HACE1: variants seen among roughly 807,000 people sequenced by gnomAD.
The protein encoded by HACE1 is E3 ubiquitin-protein ligase HACE1.
HACE1 carries 73 observed loss-of-function variants against 118.4 expected under a neutral mutation model. The ratio of observed to expected loss-of-function variants is 0.62; its 90% CI spans 0.51 to 0.75. The LOEUF is 0.75. Ranked by LOEUF, HACE1 falls within the 30% of genes least tolerant of loss-of-function variation. HACE1 has a pLI of 0.00. For missense variants in HACE1, 749 were observed against 1,102.2 expected (o/e 0.68, Z 4.54); for synonymous variants, 368 against 374.8 (o/e 0.98, Z 0.21).
At chr6:104,810,307 G>T (rs1771462595) in intron 7 of HACE1, among the ~76,000 whole-genome samples, 1 of 151,870 alleles carries the variant, frequency 6.6e-6, no homozygotes, top group Non-Finnish European at 1.5e-5. Flanking sequence ...TTAAATAGAT[G>T]ATCTGAATTG....
intron 20 of HACE1, among the ~76,000 whole-genome samples, chr6:104,745,330 A>G (rs1259050683): frequency 2.0e-5 from 3 of 152,188 alleles, no homozygotes; most frequent in Non-Finnish European, 4.4e-5. Flanking sequence ...GGAAAAGAGG[A>G]CATGAAAAGA....
chr6:104,848,619 TAAG>T (rs1412072119), intron 4 of HACE1, among the ~76,000 whole-genome samples: 3 of 152,144 alleles, frequency 2.0e-5, no homozygotes, highest in Non-Finnish European at 2.9e-5. Context: ...CCCTAGTATC[TAAG>T]AAGATTACTC....
Position 104,728,920 on chromosome 6 carries a change from G to A in HACE1, c.*742C>T, listed in dbSNP as rs1009212577. 10 of 152,466 alleles carry A rather than the reference G, an allele frequency of 6.6e-5. No individual in the cohort carries two copies. The highest frequency in any genetic ancestry group is 8.8e-5 in the Non-Finnish European group (6 of 67,982). The allele number at this position is 152,466 out of a possible 1,614,324, so 9.4% of individuals were successfully genotyped here. On this transcript the variant is annotated 3_prime_UTR_variant, in exon 24 of 24. Transcript: ENST00000262903. ...ACAGATAAAAGTAATGAAAAGAAAC[G>A]TGGTAAAATACATTTTAATTTTACC...
At chr6:104,737,370 G>A (rs1456096580) in intron 22 of HACE1, among the ~76,000 whole-genome samples, 4 of 151,538 alleles carry the variant, frequency 2.6e-5, no homozygotes, top group African/African-American at 7.3e-5. Flanking sequence ...AGCTCCCAGC[G>A]TGAGCCACGC....
At chr6:104,764,962 A>AC (rs1376242376) in intron 19 of HACE1, among the ~76,000 whole-genome samples, 4 of 152,276 alleles carry the variant, frequency 2.6e-5, no homozygotes, top group Admixed American at 2.0e-4. Context: ...AGCATACACA[A>AC]CATCCTTCAT....
At position 104,728,751 on chromosome 6, in the gene HACE1, C is replaced by T. The variant is rs559052346; in HGVS notation, c.*911G>A. The T allele has an allele frequency of 6.6e-6, 1 of 152,190 alleles. No homozygotes were observed. The highest frequency in any genetic ancestry group is 2.1e-4 in the South Asian group (1 of 4,820). The allele number at this position is 152,190 out of a possible 1,614,324, so 9.4% of individuals were successfully genotyped here. Reference sequence around the variant, plus strand: ...GATTAACCACCCAAAAATTCAAAAACCCACCAACATCCAAGTGATATTAGG... The same window carrying T: ...GATTAACCACCCAAAAATTCAAAAATCCACCAACATCCAAGTGATATTAGG... On this transcript the variant is annotated 3_prime_UTR_variant, in exon 24 of 24. Transcript: ENST00000262903.
intron 6 of HACE1, among the ~76,000 whole-genome samples, chr6:104,825,309 C>T (rs919277639): frequency 1.3e-5 from 2 of 151,996 alleles, no homozygotes; most frequent in Non-Finnish European, 2.9e-5. Context: ...CACCTCTTTG[C>T]GAGGCAGATG....
At chr6:104,833,978 C>T (rs1046988020) in intron 5 of HACE1, among the ~76,000 whole-genome samples, 1 of 151,598 alleles carries the variant, frequency 6.6e-6, no homozygotes, top group African/African-American at 2.4e-5. Context: ...AGTAAGACTC[C>T]GTCTCAAAAA....
At chr6:104,769,507 A>G (rs540988767) in intron 19 of HACE1, among the ~76,000 whole-genome samples, 1 of 152,326 alleles carries the variant, frequency 6.6e-6, no homozygotes, top group East Asian at 1.9e-4. Flanking sequence ...TAAACATGCT[A>G]CAAGGTGAAC....
intron 22 of HACE1, among the ~76,000 whole-genome samples, chr6:104,737,116 T>A (rs1178914681): frequency 2.4e-5 from 3 of 124,394 alleles, no homozygotes; most frequent in Non-Finnish European, 4.8e-5. Flanking sequence ...AAACCTCATC[T>A]CTACTAAAAA....
At chr6:104,737,750 G>T (rs1303213769) in intron 22 of HACE1, among the ~76,000 whole-genome samples, 7 of 152,220 alleles carry the variant, frequency 4.6e-5, no homozygotes, top group African/African-American at 7.2e-5. Flanking sequence ...GAGGCTGGGG[G>T]AGGGGCGCCC....
intron 19 of HACE1, among the ~76,000 whole-genome samples, chr6:104,752,425 T>C (rs9499948): frequency 0.24 from 36,024 of 151,970 alleles, 4,694 homozygotes; most frequent in African/African-American, 0.35. Context: ...ACTAAAATTG[T>C]TCACTGGATG....
At chr6:104,810,870 G>A (rs1452969387) in intron 7 of HACE1, among the ~76,000 whole-genome samples, 1 of 151,920 alleles carries the variant, frequency 6.6e-6, no homozygotes, top group Non-Finnish European at 1.5e-5. Context: ...ACATGGCTCT[G>A]GATCAAGATA....
At chr6:104,764,427 C>T (rs1372825664) in intron 19 of HACE1, among the ~76,000 whole-genome samples, 1 of 152,162 alleles carries the variant, frequency 6.6e-6, no homozygotes, top group South Asian at 2.1e-4. Flanking sequence ...GAGAGGACAG[C>T]AAGTGGGTCT....
intron 7 of HACE1, among the ~76,000 whole-genome samples, chr6:104,810,726 A>C (rs1262799982): frequency 6.6e-6 from 1 of 152,128 alleles, no homozygotes; most frequent in African/African-American, 2.4e-5. Flanking sequence ...TGCCGAATAC[A>C]TGAATAAGTG....
At chr6:104,822,506 T>C (rs192230576) in intron 6 of HACE1, among the ~76,000 whole-genome samples, 19 of 151,778 alleles carry the variant, frequency 1.3e-4, no homozygotes, top group African/African-American at 4.1e-4. Context: ...TGAGCTATGA[T>C]CACACCACTA....
Position 104,744,016 on chromosome 6 carries a change from ATCTT to A in HACE1, c.2513+140_2513+143del. 5 of 632,346 alleles carry A rather than the reference ATCTT, an allele frequency of 7.9e-6. No individual in the cohort carries two copies. The East Asian group carries it at 8.2e-5, about 10-fold the overall frequency. 39.2% of individuals were successfully genotyped at this position (632,346 alleles called of 1,614,324 possible). On this transcript the variant is annotated intron_variant, in intron 22 of 23. Transcript: ENST00000262903. ...TGTCTTATCTTTAATACCAAAATAA[ATCTT>A]TCTTTAATACCTAAAACAGTGGAAA...
intron 22 of HACE1, among the ~76,000 whole-genome samples, chr6:104,741,807 CTACTT>C (rs199961533): frequency 0.11 from 15,771 of 147,244 alleles, 835 homozygotes; most frequent in East Asian, 0.15. Context: ...CTGGAAAAAA[CTACTT>C]TAAAGTTCAT....
At chr6:104,773,484 G>A (rs146894053) in intron 17 of HACE1, among the ~76,000 whole-genome samples, 1 of 152,200 alleles carries the variant, frequency 6.6e-6, no homozygotes, top group African/African-American at 2.4e-5. Flanking sequence ...GACCTTTGGA[G>A]AATAATTCAC....
Sources: gnomAD v4.1 joint callset for allele counts (sites outside exome capture counted in the v4.1 genomes callset) on GRCh38, gnomAD v4.1.1 for gene constraint, MANE v1.5 for transcripts, NCBI Gene and HGNC (gene_info 2026-07-23, HGNC 2026-07-21) for gene names.